The following RGS3 variants were observed in gnomAD, a reference collection of about 807,000 sequenced individuals.
RGS3 encodes regulator of G-protein signalling 3.
A neutral mutation model predicts 132.6 loss-of-function variants in RGS3; 80 were observed. The observed-to-expected ratio is 0.60, with a 90% CI of 0.50 to 0.73. RGS3 has a LOEUF of 0.73. Ranked by LOEUF, RGS3 falls within the 30% of genes least tolerant of loss-of-function variation. RGS3 has a pLI of 0.00. For synonymous variants in RGS3, 598 were observed against 620.6 expected, an observed-to-expected ratio of 0.96 and a Z score of 0.54; for missense variants, 1,382 against 1,530.8, an observed-to-expected ratio of 0.90 and a Z score of 1.62.
upstream of RGS3, among the ~76,000 whole-genome samples, chr9:113,456,717 C>T (rs1299569223): frequency 6.6e-5 from 10 of 151,614 alleles, no homozygotes; most frequent in Non-Finnish European, 1.0e-4. Context: ...CTGTTGGGAT[C>T]TTGCTTAAAA....
chr9:113,455,760 T>C (rs1163284348), upstream of RGS3, among the ~76,000 whole-genome samples: 4 of 152,198 alleles, frequency 2.6e-5, no homozygotes, highest in Admixed American at 2.0e-4. Context: ...CACCTTGTTC[T>C]ACCTTGAAGA....
intron 21 of RGS3, chr9:113,592,789 C>T (rs1415118324): frequency 6.6e-6 from 1 of 152,150 alleles, no homozygotes; most frequent in African/African-American, 2.4e-5. Context: ...TGCCTGGCCT[C>T]TGAAGGTCAT....
intron 19 of RGS3, among the ~76,000 whole-genome samples, chr9:113,578,197 T>A (rs1368288589): frequency 6.6e-6 from 1 of 152,022 alleles, no homozygotes; most frequent in African/African-American, 2.4e-5. Context: ...GACAGGCCCA[T>A]GAGAGGGTGG....
At chr9:113,511,542 C>A (rs149674025) in intron 14 of RGS3, among the ~76,000 whole-genome samples, 2 of 152,246 alleles carry the variant, frequency 1.3e-5, no homozygotes, top group Non-Finnish European at 2.9e-5. Context: ...AGCCAAATGA[C>A]CAGTCACCCT....
chr9:113,562,573 G>A (rs1833840000), intron 19 of RGS3, among the ~76,000 whole-genome samples: 1 of 152,116 alleles, frequency 6.6e-6, no homozygotes, highest in African/African-American at 2.4e-5. Flanking sequence ...TTAGAGCAGT[G>A]CTGTCATGTG....
chr9:113,541,564 G>C (rs1832904263), intron 19 of RGS3: 15 of 1,432,662 alleles, frequency 1.0e-5, no homozygotes, highest in African/African-American at 1.4e-5. Context: ...GAAGGGAGTG[G>C]TCCCAAGGGT....
Position 113,507,476 on chromosome 9 carries a change from C to T in RGS3, c.1275C>T (p.His425=). 1 of 1,613,480 alleles carries T rather than the reference C, an allele frequency of 6.2e-7. No individual in the cohort carries two copies. Among genetic ancestry groups the T allele is most frequent in the South Asian group, 1.1e-5 (1 of 91,016 alleles). Residue 425 remains histidine (H), a synonymous_variant, in exon 13 of 25, where the codon CAC becomes CAT. Transcript: ENST00000350696. This position sits in a 1 kb window ranked among gnomAD's most constrained non-coding sequence, Gnocchi z 5.0. ...GGCCTGAGCAGCGCCACAGCTGCCACCTGGTATGTGACAGCTCTGATGGGC... is the reference window on the plus strand; with the variant it reads ...GGCCTGAGCAGCGCCACAGCTGCCATCTGGTATGTGACAGCTCTGATGGGC...
intron 20 of RGS3, among the ~76,000 whole-genome samples, chr9:113,584,961 T>C (rs1385867078): frequency 6.6e-6 from 1 of 152,256 alleles, no homozygotes; most frequent in Admixed American, 6.5e-5. Context: ...GGTTACACAG[T>C]GTATCAGTGT....
At chr9:113,530,267 G>C (rs1280141331) in intron 18 of RGS3, among the ~76,000 whole-genome samples, 1 of 152,244 alleles carries the variant, frequency 6.6e-6, no homozygotes, top group Non-Finnish European at 1.5e-5. Flanking sequence ...TTTTTGAACA[G>C]CCCCCTGGAG....
At chr9:113,501,272 G>A in intron 10 of RGS3, 1 of 505,470 alleles carries the variant, frequency 2.0e-6, no homozygotes, top group Non-Finnish European at 3.3e-6. Context: ...GGCGGAGAAT[G>A]CAGCCAGAAC....
chr9:113,515,834 T>TA (rs1176022827), intron 15 of RGS3, among the ~76,000 whole-genome samples: 2 of 152,246 alleles, frequency 1.3e-5, no homozygotes, highest in Non-Finnish European at 2.9e-5. Context: ...CTCTGTGTTT[T>TA]ACGGTGGTTG....
intron 21 of RGS3, chr9:113,593,689 A>C: frequency 3.6e-6 from 2 of 560,426 alleles, no homozygotes; most frequent in Non-Finnish European, 6.4e-6. Context: ...GGTCTAGGGA[A>C]AAGAGGGGCG....
chr9:113,553,220 T>C (rs901326860), intron 19 of RGS3, among the ~76,000 whole-genome samples: 1 of 151,150 alleles, frequency 6.6e-6, no homozygotes, highest in Admixed American at 6.6e-5. Context: ...GGTGGGATGA[T>C]CACTTGAGTC....
chr9:113,547,449 C>T (rs970143200), intron 19 of RGS3, among the ~76,000 whole-genome samples: 2 of 152,222 alleles, frequency 1.3e-5, no homozygotes, highest in Non-Finnish European at 2.9e-5. Context: ...CAGCACAAGA[C>T]GGGCTCTCCA....
At chr9:113,581,554 T>G (rs1834809395) in intron 19 of RGS3, 1 of 152,288 alleles carries the variant, frequency 6.6e-6, no homozygotes, top group South Asian at 2.1e-4. Flanking sequence ...CACCATCTTC[T>G]GTAGGAGCTT....
At chr9:113,484,357 A>G in intron 6 of RGS3, 125 bp downstream of exon 4, 1 of 522,144 alleles carries the variant, frequency 1.9e-6, no homozygotes, top group Non-Finnish European at 3.4e-6. Context: ...AAACCAAAAC[A>G]AAAAAAACCA....
intron 1 of RGS3, among the ~76,000 whole-genome samples, chr9:113,460,797 T>G (rs1829453606): frequency 6.6e-6 from 1 of 152,202 alleles, no homozygotes; most frequent in Non-Finnish European, 1.5e-5. Context: ...TCACTAAGAT[T>G]CTTTGAGAGT....
chr9:113,514,745 C>A, intron 15 of RGS3, 91 bp downstream of exon 13: 2 of 1,302,926 alleles, frequency 1.5e-6, no homozygotes, highest in South Asian at 2.8e-5. Context: ...ATGACTTATC[C>A]CAGGACTGAG....
rs552050438 is a variant in RGS3, at chr9:113,519,496, C to T, written c.1758+1872C>T. Among the ~76,000 whole-genome samples, 3 of 133,492 alleles carry T rather than the reference C, an allele frequency of 2.2e-5. No homozygotes were observed. In the South Asian group the frequency reaches 7.4e-4, roughly 33 times the overall value. 87.6% of individuals were successfully genotyped at this position (133,492 alleles called of 152,430 possible). A position where few individuals can be genotyped will look rare whatever the true frequency, so the allele number is the denominator to read the frequency against. Reference sequence around the variant, plus strand: ...AAACATGTAGATCTGGGCATCCTGTCATATTACTCACACCAAAAAAAAAAA... The same window carrying T: ...AAACATGTAGATCTGGGCATCCTGTTATATTACTCACACCAAAAAAAAAAA... On this transcript the variant is annotated intron_variant, in intron 16 of 24. Transcript: ENST00000350696.
Sources: gnomAD v4.1 joint callset for allele counts (sites outside exome capture counted in the v4.1 genomes callset) on GRCh38, gnomAD v4.1.1 for gene constraint, Gnocchi (gnomAD v3.1) non-coding constraint, MANE v1.5 for transcripts, NCBI Gene and HGNC (gene_info 2026-07-23, HGNC 2026-07-21) for gene names.